The following PLD4 variants were observed in gnomAD, a reference collection of about 807,000 sequenced individuals.
PLD4 encodes 5'-3' exonuclease PLD4.
A neutral mutation model predicts 52.3 loss-of-function variants in PLD4; 54 were observed. The ratio of observed to expected loss-of-function variants is 1.03; its 90% CI spans 0.83 to 1.30. PLD4 has a LOEUF of 1.30. Among genes scored for constraint, PLD4 ranks in the 50% most tolerant of loss-of-function variants. The pLI, the probability that PLD4 is intolerant of heterozygous loss-of-function variation, is 0.00. For synonymous variants in PLD4, 264 were observed against 286.5 expected (o/e 0.92, Z 0.79); for missense variants, 731 against 671.1 (o/e 1.09, Z -0.99).
downstream of PLD4, chr14:104,936,805 A>C (rs1344869643): frequency 2.0e-5 from 3 of 152,214 alleles, no homozygotes; most frequent in Non-Finnish European, 2.9e-5. Flanking sequence ...ATCTGGGAAG[A>C]GATTTGACCA....
At position 104,927,691 on chromosome 14, in the gene PLD4, C is replaced by A; in HGVS notation, c.109C>A (p.Leu37Met). ...EAGTLQVLGA[L>M]AVLWLGSVAL... The stretch of plus-strand genomic sequence containing the variant: ...CATCCAGTTGCAGGTCCTGGGAGCG[C>A]TGGCTGTGCTGTGGCTGGGCTCCGT... The change falls in exon 3 of 11, where the codon CTG (leucine) becomes ATG (methionine). Residue 37 changes from leucine (L) to methionine (M), a missense_variant. Physicochemically the swap from Leu to Met is conservative, Grantham distance 15. Transcript: ENST00000392593. 2 of 1,597,614 alleles carry A rather than the reference C, an allele frequency of 1.3e-6. No individual in the cohort carries two copies. The highest frequency in any genetic ancestry group is 4.5e-5 in the East Asian group (2 of 44,512).
intron 7 of PLD4, 38 bp downstream of exon 7, chr14:104,930,980 G>A (rs1233618996): frequency 6.2e-7 from 1 of 1,601,544 alleles, no homozygotes; most frequent in South Asian, 1.1e-5. Flanking sequence ...AGAGGCCCCT[G>A]TTCTCCCCTG....
In PLD4 at chr14:104,933,202, C is replaced by A; in HGVS notation, c.*238C>A. The A allele has an allele frequency of 2.0e-6, 1 of 491,050 alleles. No individual in the cohort carries two copies. Among genetic ancestry groups the A allele is most frequent in the Non-Finnish European group, 3.6e-6 (1 of 281,398 alleles). The allele number at this position is 491,050 out of a possible 1,614,324, so 30.4% of individuals were successfully genotyped here. ...AGGAAGCCCCTTCCCTGACTCCTGG[C>A]CCACAGGCCAGGCCTAAAAAAAACT... On this transcript the variant is annotated 3_prime_UTR_variant, in exon 11 of 11. Transcript: ENST00000392593.
intron 3 of PLD4, 46 bp downstream of exon 3, chr14:104,927,912 G>A (rs926296998): frequency 6.8e-7 from 1 of 1,479,268 alleles, no homozygotes. Flanking sequence ...TCAGTTTGGG[G>A]CTGCTGCCTG....
In PLD4 at chr14:104,932,750, C is replaced by T. The variant is rs1346839214; in HGVS notation, c.1322-15C>T. The T allele has an allele frequency of 1.3e-6, 2 of 1,528,814 alleles. No homozygotes were observed. Among genetic ancestry groups the T allele is most frequent in the South Asian group, 2.5e-5 (2 of 79,032 alleles). The allele number at this position is 1,528,814 out of a possible 1,614,324, so 94.7% of individuals were successfully genotyped here. A position where few individuals can be genotyped will look rare whatever the true frequency, so the allele number is the denominator to read the frequency against. On this transcript the variant is annotated splice_polypyrimidine_tract_variant and intron_variant, in intron 10 of 10. Transcript: ENST00000392593. The surrounding 1 kb of genome is among the most constrained non-coding windows in gnomAD (Gnocchi z 6.5). The stretch of plus-strand genomic sequence containing the variant: ...GGGAGCCGGCGCCCCAGTGTCTCCT[C>T]CATCCTCCCCGCAGGCACCTCCAAC...
rs914574911 is a variant in PLD4 at position 104,933,190 on chromosome 14, C to T, written c.*226C>T. On this transcript the variant is annotated 3_prime_UTR_variant, in exon 11 of 11. Transcript: ENST00000392593. The stretch of plus-strand genomic sequence containing the variant: ...AGGGAGCCCTCCAGGAAGCCCCTTC[C>T]CTGACTCCTGGCCCACAGGCCAGGC... 7.7e-6 allele frequency: 4 copies of T among 522,438 alleles called. No individual in the cohort carries two copies. Among genetic ancestry groups the T allele is most frequent in the African/African-American group, 6.1e-5 (3 of 49,034 alleles). 32.4% of individuals were successfully genotyped at this position (522,438 alleles called of 1,614,324 possible). A position where few individuals can be genotyped will look rare whatever the true frequency, so the allele number is the denominator to read the frequency against.
intron 3 of PLD4, among the ~76,000 whole-genome samples, chr14:104,928,243 C>G (rs745763152): frequency 6.6e-6 from 1 of 152,146 alleles, no homozygotes; most frequent in South Asian, 2.1e-4. Context: ...AGGACTGCCC[C>G]GGAGGAACCT....
At chr14:104,931,564 C>T (rs1314796683) in intron 7 of PLD4, among the ~76,000 whole-genome samples, 184 bp from the exon 8 acceptor site, 1 of 152,162 alleles carries the variant, frequency 6.6e-6, no homozygotes, top group African/African-American at 2.4e-5. Context: ...CCACTCTCTC[C>T]GCCAGGCCTC....
intron 4 of PLD4, 116 bp downstream of exon 4, chr14:104,929,048 C>A: frequency 7.4e-7 from 1 of 1,358,818 alleles, no homozygotes; most frequent in Non-Finnish European, 9.9e-7. Flanking sequence ...GTGGTAGGGT[C>A]TAGCATGGAA....
chr14:104,927,247 C>T lies in PLD4; in HGVS notation c.90+17C>T, dbSNP rs1257904456. ...GCTGGCACGGTAGGACTGGGGGGCC[C>T]CAGGGGGGAGGTGGCTGGGATCAAT... On this transcript the variant is annotated intron_variant, in intron 2 of 10. Coordinates refer to ENST00000392593, the MANE Select transcript of PLD4 (RefSeq NM_138790.5). 3.3e-6 allele frequency: 5 copies of T among 1,528,082 alleles called. No individual in the cohort carries two copies. The highest frequency in any genetic ancestry group is 2.2e-5 in the Admixed American group (1 of 45,592). 94.7% of individuals were successfully genotyped at this position (1,528,082 alleles called of 1,614,324 possible).
Position 104,931,747 on chromosome 14 carries a change from G to A in PLD4, c.919-1G>A, listed in dbSNP as rs777679325. 2.6e-5 allele frequency: 42 copies of A among 1,585,066 alleles called. No individual in the cohort carries two copies. The Admixed American group carries it at 6.5e-4, about 25-fold the overall frequency. ...CTTCAGGGATTTCTCTCCCGTCACA[G>A]GCGTCGCCACCAGCACTCTGTCCCC... On this transcript the variant is annotated splice_acceptor_variant, in intron 7 of 10. Transcript: ENST00000392593. LOFTEE classifies it high-confidence loss of function.
downstream of PLD4, chr14:104,934,753 C>G (rs1897772821): frequency 6.6e-6 from 1 of 152,260 alleles, no homozygotes; most frequent in South Asian, 2.1e-4. Flanking sequence ...TTCCTCTTCC[C>G]TCTTTGCTTT....
rs1422090455 is a variant in PLD4 at position 104,932,363 on chromosome 14, C to T, written c.1321+8C>T. 4.3e-6 allele frequency: 7 copies of T among 1,611,898 alleles called. No individual in the cohort carries two copies. The highest frequency in any genetic ancestry group is 5.9e-6 in the Non-Finnish European group (7 of 1,179,408). The stretch of plus-strand genomic sequence containing the variant: ...AGAAGGCAGCCTACATAGGTGAGCG[C>T]GATCAGATCACGGCGGGCGGGCCCC... On this transcript the variant is annotated splice_region_variant and intron_variant, in intron 10 of 10. Transcript: ENST00000392593. This position sits in a 1 kb window ranked among gnomAD's most constrained non-coding sequence, Gnocchi z 6.5.
chr14:104,932,909 A>G lies in PLD4; in HGVS notation c.1466A>G (p.Tyr489Cys). 6.2e-7 allele frequency: 1 copy of G among 1,602,196 alleles called. No homozygotes were observed. The highest frequency in any genetic ancestry group is 8.5e-7 in the Non-Finnish European group (1 of 1,175,440). ...TTTGAGCGGGACTGGAGTTCGCGCT[A>G]CGCCGTCGGCCTGGACGGACAGGCT... ...QLFERDWSSR[Y>C]AVGLDGQAPG... The change falls in exon 11 of 11, where the codon TAC becomes TGC. Residue 489 changes from tyrosine (Y) to cysteine (C), a missense_variant. Tyr to Cys is a radical substitution (Grantham distance 194). Transcript: ENST00000392593. This position sits in a 1 kb window ranked among gnomAD's most constrained non-coding sequence, Gnocchi z 6.5.
downstream of PLD4, chr14:104,934,428 T>C (rs1897766426): frequency 2.0e-5 from 3 of 152,288 alleles, no homozygotes; most frequent in South Asian, 4.1e-4. Flanking sequence ...CAGTTCCCAC[T>C]CTTCTGCTAT....
In PLD4 at chr14:104,932,752, A is replaced by G; in HGVS notation, c.1322-13A>G. On this transcript the variant is annotated splice_polypyrimidine_tract_variant and intron_variant, in intron 10 of 10. Transcript: ENST00000392593. The surrounding 1 kb of genome is among the most constrained non-coding windows in gnomAD (Gnocchi z 6.5). ...GAGCCGGCGCCCCAGTGTCTCCTCC[A>G]TCCTCCCCGCAGGCACCTCCAACTG... 1.3e-6 allele frequency: 2 copies of G among 1,532,286 alleles called. No homozygotes were observed. The highest frequency in any genetic ancestry group is 1.8e-6 in the Non-Finnish European group (2 of 1,135,744). The allele number at this position is 1,532,286 out of a possible 1,614,324, so 94.9% of individuals were successfully genotyped here. A position where few individuals can be genotyped will look rare whatever the true frequency, so the allele number is the denominator to read the frequency against.
At chr14:104,925,806 TG>T (rs1897435773) in intron 1 of PLD4, among the ~76,000 whole-genome samples, 12 of 150,744 alleles carry the variant, frequency 8.0e-5, no homozygotes, top group Admixed American at 7.9e-4. Flanking sequence ...AGCTCTGGGG[TG>T]GGGGCGGCAC....
chr14:104,929,453 C>T, intron 5 of PLD4, 26 bp downstream of exon 5: 1 of 1,532,528 alleles, frequency 6.5e-7, no homozygotes, highest in Non-Finnish European at 8.8e-7. Context: ...ATGCTGGGCA[C>T]CACTGCCCTA....
At position 104,932,969 on chromosome 14, in the gene PLD4, G is replaced by A; in HGVS notation, c.*5G>A. On this transcript the variant is annotated 3_prime_UTR_variant, in exon 11 of 11. Coordinates refer to ENST00000392593, the MANE Select transcript of PLD4 (RefSeq NM_138790.5). This position sits in a 1 kb window ranked among gnomAD's most constrained non-coding sequence, Gnocchi z 6.5. ...GACTGCGTTTGGCAGGGCTGAGGGG[G>A]GCCTCTTTTTCTCTCGGCGACCCCG... 6.4e-7 allele frequency: 1 copy of A among 1,571,208 alleles called. No homozygotes were observed. The highest frequency in any genetic ancestry group is 8.6e-7 in the Non-Finnish European group (1 of 1,161,090).
Sources: gnomAD v4.1 joint callset for allele counts (sites outside exome capture counted in the v4.1 genomes callset) on GRCh38, gnomAD v4.1.1 for gene constraint, Gnocchi (gnomAD v3.1) non-coding constraint, MANE v1.5 for transcripts, NCBI Gene and HGNC (gene_info 2026-07-23, HGNC 2026-07-21) for gene names.